The following ZNF385D variants were observed in gnomAD, a reference collection of about 807,000 sequenced individuals.
ZNF385D encodes the protein zinc finger protein 659.
A neutral mutation model predicts 35.8 loss-of-function variants in ZNF385D; 15 were observed. That is an observed-to-expected ratio of 0.42 (90% confidence interval 0.28 to 0.64). The LOEUF is 0.64. Ranked by LOEUF, ZNF385D falls within the 30% of genes least tolerant of loss-of-function variation. The pLI, the probability that ZNF385D is intolerant of heterozygous loss-of-function variation, is 0.23. For missense variants in ZNF385D, 474 were observed against 494.6 expected (o/e 0.96, Z 0.39); for synonymous variants, 212 against 186.8 (o/e 1.13, Z -1.10).
intron 4 of ZNF385D, among the ~76,000 whole-genome samples, chr3:21,451,959 A>G (rs1702485524): frequency 6.6e-6 from 1 of 152,024 alleles, no homozygotes; most frequent in Admixed American, 6.6e-5. Flanking sequence ...TAAAAATTGC[A>G]TAGTGTTTAT....
Position 21,421,248 on chromosome 3 carries a change from G to C in ZNF385D, c.1154C>G (p.Thr385Ser). Residue 385 changes from threonine (T) to serine (S), a missense_variant, in exon 8 of 8, where the codon ACC (threonine) becomes AGC (serine). By Grantham distance (58) the Thr-to-Ser change is moderately conservative. Transcript: ENST00000281523. The stretch of plus-strand genomic sequence containing the variant: ...AGCAAACAGCACAGGAGTGTGGGCG[G>C]TCCGAATGGGTCCAGGAGCTGGCCG... ...LLRPAPGPIR[T>S]AHTPVLFAPY 1 of 1,614,078 alleles carries C rather than the reference G, an allele frequency of 6.2e-7. No homozygotes were observed.
At chr3:22,125,519 A>T (rs1252938091) in intron 3 of ZNF385D, among the ~76,000 whole-genome samples, 1 of 152,096 alleles carries the variant, frequency 6.6e-6, no homozygotes, top group African/African-American at 2.4e-5. Flanking sequence ...GAACATTTTA[A>T]CAATATTATT....
At chr3:22,341,490 T>C (rs1695417677) in intron 2 of ZNF385D, among the ~76,000 whole-genome samples, 1 of 152,212 alleles carries the variant, frequency 6.6e-6, no homozygotes, top group South Asian at 2.1e-4. Flanking sequence ...CTTCTCCATA[T>C]ATTCTCTTCT....
chr3:21,719,375 A>G (rs1225306505), intron 1 of ZNF385D, among the ~76,000 whole-genome samples: 1 of 152,220 alleles, frequency 6.6e-6, no homozygotes, highest in East Asian at 1.9e-4. Context: ...TGTTCTCTGG[A>G]TGCAGCAACC....
chr3:21,860,923 G>C (rs1219420248), intron 3 of ZNF385D, among the ~76,000 whole-genome samples: 2 of 152,074 alleles, frequency 1.3e-5, no homozygotes, highest in African/African-American at 4.8e-5. Flanking sequence ...TTCTCATTTA[G>C]TTGCCCTGAT....
At chr3:22,313,083 G>A (rs924418501) in intron 2 of ZNF385D, among the ~76,000 whole-genome samples, 9 of 152,028 alleles carry the variant, frequency 5.9e-5, no homozygotes, top group African/African-American at 2.2e-4. Flanking sequence ...AAAATGATGA[G>A]TTCATGTCCT....
At chr3:22,248,711 C>T (rs1378733879) in intron 2 of ZNF385D, among the ~76,000 whole-genome samples, 1 of 152,108 alleles carries the variant, frequency 6.6e-6, no homozygotes, top group Non-Finnish European at 1.5e-5. Context: ...TAAAATAGGG[C>T]TGCAAATTTT....
At chr3:21,554,594 T>C (rs1039673746) in intron 3 of ZNF385D, among the ~76,000 whole-genome samples, 60 of 152,184 alleles carry the variant, frequency 3.9e-4, no homozygotes, top group African/African-American at 1.3e-3. Context: ...AAGCCAGACA[T>C]TGACTTCTCT....
intron 2 of ZNF385D, among the ~76,000 whole-genome samples, chr3:22,229,606 C>A (rs1240834233): frequency 6.6e-6 from 1 of 152,164 alleles, no homozygotes; most frequent in Non-Finnish European, 1.5e-5. Flanking sequence ...TTCCTCACAG[C>A]CATTTGTAAG....
rs79398984 is a variant in ZNF385D, at chr3:22,358,898, T to C, written c.106+13552A>G. On this transcript the variant is annotated intron_variant, in intron 2 of 5. Transcript: ENST00000494108. The stretch of plus-strand genomic sequence containing the variant: ...AAAAGACACTCACCTACACAGTTAT[T>C]GGAACCATCTGTATGACTTAGTGTC... Among the ~76,000 whole-genome samples the C allele has an allele frequency of 4.1e-3, 617 of 151,676 alleles. 10 individuals carry two copies. The East Asian group carries it at 0.05, about 12-fold the overall frequency.
chr3:22,320,571 T>C (rs1052883904), intron 2 of ZNF385D, among the ~76,000 whole-genome samples: 1 of 150,774 alleles, frequency 6.6e-6, no homozygotes, highest in South Asian at 2.1e-4. Context: ...CATAGATAAG[T>C]ATGTTTGTAT....
chr3:22,343,121 TCTTTTTA>T (rs1253375231), intron 2 of ZNF385D, among the ~76,000 whole-genome samples: 6 of 152,382 alleles, frequency 3.9e-5, no homozygotes, highest in South Asian at 2.1e-4. Flanking sequence ...TTTTCCTGCC[TCTTTTTA>T]CTTTTTAAAG....
chr3:22,144,016 T>C (rs1347288748), intron 3 of ZNF385D, among the ~76,000 whole-genome samples: 1 of 151,978 alleles, frequency 6.6e-6, no homozygotes, highest in Non-Finnish European at 1.5e-5. Context: ...ATTTTGAACA[T>C]GAGCATTTTA....
intron 2 of ZNF385D, among the ~76,000 whole-genome samples, chr3:22,178,258 CT>C (rs1694971082): frequency 6.6e-6 from 1 of 152,156 alleles, no homozygotes; most frequent in African/African-American, 2.4e-5. Context: ...TGTTTCCTGA[CT>C]TTTTAATGAT....
intron 3 of ZNF385D, among the ~76,000 whole-genome samples, chr3:21,821,859 G>C (rs1014189250): frequency 6.6e-6 from 1 of 151,240 alleles, no homozygotes; most frequent in Non-Finnish European, 1.5e-5. Flanking sequence ...CCAGGTACTC[G>C]GGAGGCTGAG....
At chr3:21,456,502 C>T (rs1449114377) in intron 4 of ZNF385D, among the ~76,000 whole-genome samples, 12 of 152,176 alleles carry the variant, frequency 7.9e-5, no homozygotes, top group Admixed American at 3.9e-4. Context: ...AACCAAACAC[C>T]GCATGTTCTC....
intron 3 of ZNF385D, among the ~76,000 whole-genome samples, chr3:21,812,920 T>G (rs915421471): frequency 6.6e-6 from 1 of 152,164 alleles, no homozygotes; most frequent in South Asian, 2.1e-4. Context: ...GACCCCTGAG[T>G]AGCCCAACTG....
intron 1 of ZNF385D, among the ~76,000 whole-genome samples, chr3:21,721,499 T>C (rs533287441): frequency 1.4e-4 from 21 of 152,186 alleles, no homozygotes; most frequent in Admixed American, 1.2e-3. Context: ...TCTTCAAATA[T>C]AAAAAAGTAA....
intron 3 of ZNF385D, among the ~76,000 whole-genome samples, chr3:22,085,713 A>C (rs2620549): frequency 0.78 from 118,984 of 152,054 alleles, 47,302 homozygotes; most frequent in Non-Finnish European, 0.84. Flanking sequence ...ATGAGGCCAG[A>C]ATCATCCTGA....
Sources: gnomAD v4.1 joint callset for allele counts (sites outside exome capture counted in the v4.1 genomes callset) on GRCh38, gnomAD v4.1.1 for gene constraint, MANE v1.5 for transcripts, NCBI Gene and HGNC (gene_info 2026-07-23, HGNC 2026-07-21) for gene names.